Variants in IL1RAPL2 observed in about 807,000 individuals in gnomAD.
IL1RAPL2 encodes interleukin 1 receptor accessory protein like 2.
Under a neutral mutation model 44.1 loss-of-function variants are expected in IL1RAPL2, and 3 were observed. The observed-to-expected ratio is 0.07, with a 90% CI of 0.03 to 0.18. IL1RAPL2 has a LOEUF of 0.18. IL1RAPL2 is among the 10% of genes least tolerant of loss of function. The pLI, the probability that IL1RAPL2 is intolerant of heterozygous loss-of-function variation, is 1.00. For missense variants in IL1RAPL2, 391 were observed against 496.4 expected (o/e 0.79, Z 2.02); for synonymous variants, 181 against 178.8 (o/e 1.01, Z -0.10).
chrX:105,396,678 C>T (rs1033842009), intron 5 of IL1RAPL2, among the ~76,000 whole-genome samples: 1 of 106,984 alleles, frequency 9.3e-6, no homozygotes, highest in African/African-American at 3.4e-5. Flanking sequence ...AAGACCAATA[C>T]TTAAGGGAGG....
chrX:104,840,822 A>G (rs1019517139), intron 2 of IL1RAPL2, among the ~76,000 whole-genome samples: 1 of 109,712 alleles, frequency 9.1e-6, no homozygotes, highest in Non-Finnish European at 1.9e-5. Context: ...TTACCGGCAC[A>G]TGCTACCACA....
At chrX:105,662,401 G>T (rs1569462898) in intron 6 of IL1RAPL2, among the ~76,000 whole-genome samples, 1 of 111,507 alleles carries the variant, frequency 9.0e-6, no homozygotes, top group Non-Finnish European at 1.9e-5. Context: ...CTTGTGTTTT[G>T]TGTACCCAAT....
At chrX:105,487,856 T>C (rs1264130353) in intron 6 of IL1RAPL2, among the ~76,000 whole-genome samples, 1 of 112,010 alleles carries the variant, frequency 8.9e-6, no homozygotes, top group Non-Finnish European at 1.9e-5. Context: ...GAAAGATAAC[T>C]GGGACTACTG....
intron 2 of IL1RAPL2, among the ~76,000 whole-genome samples, chrX:105,078,508 C>T (rs764680297): frequency 2.3e-4 from 26 of 112,403 alleles, no homozygotes; most frequent in East Asian, 8.5e-4. Context: ...GCAGTCTGCC[C>T]GTTCTCAGAT....
At chrX:104,845,988 T>C (rs1277759366) in intron 2 of IL1RAPL2, among the ~76,000 whole-genome samples, 1 of 111,298 alleles carries the variant, frequency 9.0e-6, no homozygotes, top group Non-Finnish European at 1.9e-5. Context: ...GGTGAGTTGC[T>C]CTTGAGCTAA....
At chrX:104,722,721 C>T (rs896296843) in intron 2 of IL1RAPL2, among the ~76,000 whole-genome samples, 3 of 111,270 alleles carry the variant, frequency 2.7e-5, no homozygotes, top group Non-Finnish European at 3.8e-5. Context: ...TTTCTCCATG[C>T]ATTGTTTTAC....
chrX:104,792,709 C>A (rs1257592276), intron 2 of IL1RAPL2, among the ~76,000 whole-genome samples: 1 of 110,941 alleles, frequency 9.0e-6, no homozygotes, highest in Non-Finnish European at 1.9e-5. Context: ...AAGAGTCCTG[C>A]AGTTATTAGA....
intron 6 of IL1RAPL2, among the ~76,000 whole-genome samples, chrX:105,659,100 C>G (rs1569462598): frequency 9.1e-6 from 1 of 110,360 alleles, no homozygotes; most frequent in African/African-American, 3.3e-5. Flanking sequence ...GTGCTCCAGC[C>G]GGGGCAACAG....
intron 2 of IL1RAPL2, among the ~76,000 whole-genome samples, chrX:104,679,174 T>C (rs187114731): frequency 1.8e-5 from 2 of 111,338 alleles, no homozygotes; most frequent in Admixed American, 1.9e-4. Context: ...TCCCTTCCTT[T>C]TCTAGTTGTT....
chrX:104,823,655 G>T (rs2147624793), intron 2 of IL1RAPL2, among the ~76,000 whole-genome samples: 1 of 109,470 alleles, frequency 9.1e-6, no homozygotes, highest in East Asian at 2.9e-4. Context: ...TCCAGTTCTA[G>T]ATCCCTGAGG....
chrX:104,879,676 T>C (rs956791948), intron 2 of IL1RAPL2, among the ~76,000 whole-genome samples: 1 of 112,083 alleles, frequency 8.9e-6, no homozygotes, highest in Non-Finnish European at 1.9e-5. Flanking sequence ...GTGCAAATTA[T>C]CACAGTAGTT....
At chrX:105,420,380 A>G (rs1334427161) in intron 5 of IL1RAPL2, among the ~76,000 whole-genome samples, 1 of 111,758 alleles carries the variant, frequency 8.9e-6, no homozygotes, top group African/African-American at 3.3e-5. Flanking sequence ...TCAAGGCAGC[A>G]TAGTCCATTG....
chrX:105,523,855 A>G (rs2036577629), intron 6 of IL1RAPL2, among the ~76,000 whole-genome samples: 1 of 111,243 alleles, frequency 9.0e-6, no homozygotes, highest in African/African-American at 3.3e-5. Context: ...GTCTCTTGTT[A>G]AATGGATCTA....
At chrX:104,782,568 AGTT>A (rs1167420760) in intron 2 of IL1RAPL2, among the ~76,000 whole-genome samples, 2 of 111,776 alleles carry the variant, frequency 1.8e-5, no homozygotes, top group African/African-American at 6.5e-5. Flanking sequence ...CCATTTTTTC[AGTT>A]GTTACCATTA....
intron 6 of IL1RAPL2, among the ~76,000 whole-genome samples, chrX:105,560,593 T>C (rs1318817335): frequency 1.8e-5 from 2 of 109,925 alleles, no homozygotes; most frequent in East Asian, 5.8e-4. Context: ...TAACTTTTTG[T>C]ATTTCTAGTA....
intron 2 of IL1RAPL2, among the ~76,000 whole-genome samples, chrX:104,936,390 C>T (rs1458865819): frequency 3.6e-5 from 4 of 111,100 alleles, no homozygotes; most frequent in Non-Finnish European, 5.7e-5. Context: ...TAGGAGTGTA[C>T]TGGGTCCAAC....
chrX:104,904,507 G>A (rs1291651194), intron 2 of IL1RAPL2, among the ~76,000 whole-genome samples: 1 of 89,063 alleles, frequency 1.1e-5, no homozygotes, highest in African/African-American at 4.4e-5. Flanking sequence ...CTGTGTCCAT[G>A]TGATCTCATT....
intron 6 of IL1RAPL2, among the ~76,000 whole-genome samples, chrX:105,562,512 A>ACACAC (rs2036945660): frequency 4.4e-5 from 4 of 91,599 alleles, no homozygotes; most frequent in Admixed American, 2.5e-4. Context: ...ATTGAAAATA[A>ACACAC]ACACACACAC....
At chrX:104,855,938 G>T (rs1307666146) in intron 2 of IL1RAPL2, among the ~76,000 whole-genome samples, 2 of 109,851 alleles carry the variant, frequency 1.8e-5, no homozygotes, top group Non-Finnish European at 3.8e-5. Flanking sequence ...CCAAAGTGCT[G>T]GGATTATAGG....
Sources: gnomAD v4.1 joint callset for allele counts (sites outside exome capture counted in the v4.1 genomes callset) on GRCh38, gnomAD v4.1.1 for gene constraint, MANE v1.5 for transcripts, NCBI Gene and HGNC (gene_info 2026-07-23, HGNC 2026-07-21) for gene names.